CFTR: variants seen among roughly 807,000 people sequenced by gnomAD.
CFTR encodes the protein CF transmembrane conductance regulator.
A neutral mutation model predicts 171.6 loss-of-function variants in CFTR; 181 were observed. That is an observed-to-expected ratio of 1.05 (90% CI 0.93 to 1.19). The LOEUF is 1.19. Among genes scored for constraint, CFTR ranks in the 50% most tolerant of loss-of-function variants. The pLI is 0.00. For synonymous variants in CFTR, 583 were observed against 608.0 expected (o/e 0.96, Z 0.60); for missense variants, 1,968 against 1,734.7 (o/e 1.13, Z -2.39).
At position 117,610,536 on chromosome 7, in the gene CFTR, T is replaced by A. The variant is rs1792366420; in HGVS notation, c.3006T>A (p.Ile1002=). The stretch of plus-strand genomic sequence containing the variant: ...TCTTACAGTTGTTATTAATTGTGAT[T>A]GGAGCTATAGCAGTTGTCGCAGTTT... ...FDFIQLLLIV[I]GAIAVVAVLQ... The change falls in exon 19 of 27, where the codon ATT becomes ATA. Residue 1002 remains isoleucine, a synonymous_variant. Transcript: ENST00000003084. The A allele has an allele frequency of 3.7e-6, 6 of 1,613,384 alleles. 1 individual carries two copies. The South Asian group carries it at 6.6e-5, about 18-fold the overall frequency.
intron 24 of CFTR, among the ~76,000 whole-genome samples, chr7:117,653,601 A>G (rs937952464): frequency 2.3e-4 from 35 of 152,162 alleles, no homozygotes; most frequent in Non-Finnish European, 1.5e-5. Context: ...TTAGGATTTT[A>G]ACATATGAAT....
chr7:117,530,531 G>A (rs1387383278), intron 3 of CFTR, among the ~76,000 whole-genome samples: 1 of 152,056 alleles, frequency 6.6e-6, no homozygotes, highest in Non-Finnish European at 1.5e-5. Flanking sequence ...AGCCTACTCT[G>A]ATACTGAAAG....
rs201578031 is a variant in CFTR, at chr7:117,603,412, A to C, written c.2658-120A>C. Reference sequence around the variant, plus strand: ...AGTATGATTTTGAGGTTAAGGGTGCATGCTCTTCTAATGCAAAATATTGTA... The same window carrying C: ...AGTATGATTTTGAGGTTAAGGGTGCCTGCTCTTCTAATGCAAAATATTGTA... On this transcript the variant is annotated intron_variant, in intron 16 of 26. Transcript: ENST00000003084. 7 of 1,055,446 alleles carry C rather than the reference A, an allele frequency of 6.6e-6. No individual in the cohort carries two copies. In the East Asian group the frequency reaches 1.2e-4, roughly 19 times the overall value. The allele number at this position is 1,055,446 out of a possible 1,614,324, so 65.4% of individuals were successfully genotyped here.
chr7:117,612,029 A>G (rs865828297), intron 20 of CFTR, among the ~76,000 whole-genome samples: 2,989 of 73,884 alleles, frequency 0.04, 171 homozygotes, highest in African/African-American at 0.13. Flanking sequence ...ATATGTATAT[A>G]TATATATATA....
At chr7:117,515,551 G>A (rs780900327) in intron 3 of CFTR, among the ~76,000 whole-genome samples, 21 of 152,134 alleles carry the variant, frequency 1.4e-4, no homozygotes, top group East Asian at 3.8e-4. Context: ...TTTGGTTACC[G>A]TAGCCTTGTA....
intron 22 of CFTR, among the ~76,000 whole-genome samples, chr7:117,634,974 G>A (rs1183731186): frequency 1.3e-5 from 2 of 152,090 alleles, no homozygotes; most frequent in African/African-American, 4.8e-5. Context: ...CCAGTTGATT[G>A]ATGGTGCTGT....
intron 3 of CFTR, among the ~76,000 whole-genome samples, chr7:117,518,308 A>G (rs1288206058): frequency 6.8e-6 from 1 of 147,294 alleles, no homozygotes; most frequent in Non-Finnish European, 1.5e-5. Context: ...TACAATATAT[A>G]TTATAATTAT....
chr7:117,564,467 T>C (rs1255151312), intron 11 of CFTR: 1 of 153,608 alleles, frequency 6.5e-6, no homozygotes, highest in South Asian at 2.1e-4. Flanking sequence ...AGGTGCCCCT[T>C]ATTTTTAAGT....
In CFTR at chr7:117,630,991, A is replaced by AT. The variant is rs576409121; in HGVS notation, c.3717+3229dup. ...GAGCAAGATAGATAAGAGATTGTGG[A>AT]TTTTTTTTCTTTTTTATCTATATAA... On this transcript the variant is annotated intron_variant, in intron 22 of 26. Transcript: ENST00000003084. Among the ~76,000 whole-genome samples, 4 of 151,676 alleles carry AT rather than the reference A, an allele frequency of 2.6e-5. No individual in the cohort carries two copies. The South Asian group carries it at 8.4e-4, about 32-fold the overall frequency.
intron 10 of CFTR, 53 bp downstream of exon 10, chr7:117,548,876 T>C: frequency 6.4e-7 from 1 of 1,562,870 alleles, no homozygotes. Flanking sequence ...CCATGTCTCT[T>C]TTTTTTTCTA....
chr7:117,535,322 GT>G lies in CFTR; in HGVS notation c.656del (p.Leu219TyrfsTer12), dbSNP rs1161421959. ...TCCTCATGGGGCTAATCTGGGAGTT[GT>G]TACAGGCGTCTGCCTTCTGTGGACT... is the stretch of plus-strand genomic sequence containing the variant. ...ALLMGLIWEL[L>X]QASAFCGLGF... On this transcript the variant is annotated frameshift_variant, in exon 6 of 27. Coordinates refer to ENST00000003084, the MANE Select transcript of CFTR (RefSeq NM_000492.4). LOFTEE classifies it high-confidence loss of function. 6.2e-7 allele frequency: 1 copy of G among 1,614,156 alleles called. No homozygotes were observed. Among genetic ancestry groups the G allele is most frequent in the East Asian group, 2.2e-5 (1 of 44,880 alleles).
chr7:117,542,065 C>A lies in CFTR; in HGVS notation c.1166C>A (p.Thr389Asn). The A allele has an allele frequency of 6.2e-7, 1 of 1,603,164 alleles. No individual in the cohort carries two copies. Among genetic ancestry groups the A allele is most frequent in the Non-Finnish European group, 8.5e-7 (1 of 1,170,236 alleles). ...AAGACATTGGAATATAACTTAACGA[C>A]TACAGAAGTAGTGATGGAGAATGTA... ...EYKTLEYNLT[T>N]TEVVMENVTA... Residue 389 changes from threonine to asparagine, a missense_variant, in exon 9 of 27, where the codon ACT becomes AAT. Transcript: ENST00000003084.
At chr7:117,599,304 G>A (rs1454170744) in intron 15 of CFTR, among the ~76,000 whole-genome samples, 10 of 152,068 alleles carry the variant, frequency 6.6e-5, no homozygotes, top group South Asian at 4.1e-4. Flanking sequence ...AGTGATTTCT[G>A]TAAATTTATA....
intron 11 of CFTR, among the ~76,000 whole-genome samples, chr7:117,566,248 AAC>A (rs71314621): frequency 0.16 from 22,827 of 138,534 alleles, 2,036 homozygotes; most frequent in East Asian, 0.39. Flanking sequence ...AGCCTACTAA[AAC>A]ACACACACAC....
At chr7:117,565,246 A>C (rs879877922) in intron 11 of CFTR, among the ~76,000 whole-genome samples, 5 of 152,206 alleles carry the variant, frequency 3.3e-5, no homozygotes, top group Non-Finnish European at 5.9e-5. Flanking sequence ...AAATCAACGC[A>C]ATTAAGCCCT....
intron 11 of CFTR, among the ~76,000 whole-genome samples, chr7:117,583,343 G>A (rs1044934079): frequency 6.0e-5 from 9 of 149,548 alleles, no homozygotes; most frequent in East Asian, 2.0e-4. Context: ...TTCCTTTATC[G>A]TCCCCAAAGC....
At chr7:117,580,726 T>C (rs1791836938) in intron 11 of CFTR, among the ~76,000 whole-genome samples, 1 of 152,142 alleles carries the variant, frequency 6.6e-6, no homozygotes, top group South Asian at 2.1e-4. Context: ...TGTGAGCAAG[T>C]GAATTCAAGC....
At chr7:117,529,608 G>C (rs757435906) in intron 3 of CFTR, among the ~76,000 whole-genome samples, 1 of 151,194 alleles carries the variant, frequency 6.6e-6, no homozygotes, top group African/African-American at 2.4e-5. Flanking sequence ...ATAAAGCACA[G>C]AATGAGCAGC....
intron 20 of CFTR, among the ~76,000 whole-genome samples, chr7:117,614,008 T>TC (rs1454977227): frequency 6.8e-6 from 1 of 148,074 alleles, no homozygotes; most frequent in African/African-American, 2.5e-5. Context: ...TCTTTTTTTT[T>TC]TTTTTTTTTT....
Sources: gnomAD v4.1 joint callset for allele counts (sites outside exome capture counted in the v4.1 genomes callset) on GRCh38, gnomAD v4.1.1 for gene constraint, MANE v1.5 for transcripts, NCBI Gene and HGNC (gene_info 2026-07-23, HGNC 2026-07-21) for gene names.